Variants in PCARE observed in about 807,000 individuals in gnomAD.
PCARE encodes uncharacterized protein C2orf71.
PCARE carries 72 observed loss-of-function variants against 82.2 expected under a neutral mutation model. The observed-to-expected ratio is 0.88, with a 90% CI of 0.72 to 1.07. PCARE has a LOEUF of 1.07. Ranked by LOEUF, PCARE falls within the 50% of genes least tolerant of loss-of-function variation. The pLI, the probability that PCARE is intolerant of heterozygous loss-of-function variation, is 0.00. For synonymous variants in PCARE, 705 were observed against 634.8 expected (o/e 1.11, Z -1.66); for missense variants, 1,768 against 1,592.4 (o/e 1.11, Z -1.88).
Position 29,071,003 on chromosome 2 carries a change from G to T in PCARE, c.3259C>A (p.Pro1087Thr). The T allele has an allele frequency of 7.2e-7, 1 of 1,386,252 alleles. No individual in the cohort carries two copies. Among genetic ancestry groups the T allele is most frequent in the Non-Finnish European group, 9.6e-7 (1 of 1,037,038 alleles). The allele number at this position is 1,386,252 out of a possible 1,614,324, so 85.9% of individuals were successfully genotyped here. A position where few individuals can be genotyped will look rare whatever the true frequency, so the allele number is the denominator to read the frequency against. Residue 1087 changes from proline to threonine, a missense_variant, in exon 1 of 2, where the codon CCC (proline) becomes ACC (threonine). Pro to Thr is a conservative substitution (Grantham distance 38). Coordinates refer to ENST00000331664, the MANE Select transcript of PCARE (RefSeq NM_001029883.3). ...GGGGACATTGGGGGTGATGGGGAGG[G>T]AATCGAGAAAGGGGGGCTTGCTTCT... ...HPEASPPFSIPSPSPPMSPSQ... is the reference protein window; with the variant it reads ...HPEASPPFSITSPSPPMSPSQ...
rs748816205 is a variant in PCARE at position 29,070,765 on chromosome 2, C to CTGT, written c.3494_3496dup (p.Asn1165dup). ...GTCTGCTCTCAGCCAAGGCCCTGAG[C>CTGT]TGTTCTTCCAGCATTCTGCTGGGTT... On this transcript the variant is annotated inframe_insertion, in exon 1 of 2. Coordinates refer to ENST00000331664, the MANE Select transcript of PCARE (RefSeq NM_001029883.3). The CTGT allele has an allele frequency of 4.3e-6, 7 of 1,614,150 alleles. No individual in the cohort carries two copies. In the South Asian group the frequency reaches 4.4e-5, roughly 10 times the overall value.
At chr2:29,065,320 T>C (rs1046199631) in intron 1 of PCARE, among the ~76,000 whole-genome samples, 7 of 152,230 alleles carry the variant, frequency 4.6e-5, no homozygotes, top group African/African-American at 1.7e-4. Context: ...CCTGAAGCCC[T>C]GGATCCTGCT....
chr2:29,064,546 A>G lies in PCARE; in HGVS notation c.*323T>C. The G allele has an allele frequency of 2.0e-6, 1 of 499,866 alleles. No individual in the cohort carries two copies. The allele number at this position is 499,866 out of a possible 1,614,324, so 31.0% of individuals were successfully genotyped here. ...ATCTCAAGGAATGAACCCAGTTAAA[A>G]CCCTATCAAGCATGCAACTATACAT... On this transcript the variant is annotated 3_prime_UTR_variant, in exon 2 of 2. Coordinates refer to ENST00000331664, the MANE Select transcript of PCARE (RefSeq NM_001029883.3).
chr2:29,073,502 G>T lies in PCARE; in HGVS notation c.760C>A (p.Pro254Thr), dbSNP rs192023448. The change falls in exon 1 of 2, where the codon CCT (proline) becomes ACT (threonine). Residue 254 changes from proline to threonine, a missense_variant. Coordinates refer to ENST00000331664, the MANE Select transcript of PCARE (RefSeq NM_001029883.3). ...TCCTGGGGCTCTCTTTTCTTCAAAG[G>T]CCAAGCCAGATCCTCCCTGACTTCC... is the stretch of plus-strand genomic sequence containing the variant. ...LQEVREDLAWPLKKREPQEQP... is the reference protein window; with the variant it reads ...LQEVREDLAWTLKKREPQEQP... 34 of 1,614,124 alleles carry T rather than the reference G, an allele frequency of 2.1e-5. No individual in the cohort carries two copies. The African/African-American group carries it at 2.8e-4, about 13-fold the overall frequency.
intron 1 of PCARE, among the ~76,000 whole-genome samples, chr2:29,068,204 GA>G (rs1667419017): frequency 6.6e-6 from 1 of 152,174 alleles, no homozygotes; most frequent in Non-Finnish European, 1.5e-5. Flanking sequence ...TTAGATTTAA[GA>G]AAAGAGCAAT....
chr2:29,071,236 C>G lies in PCARE; in HGVS notation c.3026G>C (p.Arg1009Pro). 1 of 1,611,390 alleles carries G rather than the reference C, an allele frequency of 6.2e-7. No individual in the cohort carries two copies. The highest frequency in any genetic ancestry group is 8.5e-7 in the Non-Finnish European group (1 of 1,178,824). Residue 1009 changes from arginine (R) to proline (P), a missense_variant, in exon 1 of 2, where the codon CGC becomes CCC. Coordinates refer to ENST00000331664, the MANE Select transcript of PCARE (RefSeq NM_001029883.3). The stretch of plus-strand genomic sequence containing the variant: ...TCTGTAAGAGGAGGGAAGGCTCCGG[C>G]GCCTCTTGTCTGCTTGAGGCACCCA... The part of the protein sequence containing the change: ...THWVPQADKR[R>P]RSLPSSYRPA...
At chr2:29,070,266 C>T (rs1167514249) in intron 1 of PCARE, among the ~76,000 whole-genome samples, 2 of 152,186 alleles carry the variant, frequency 1.3e-5, no homozygotes, top group Admixed American at 6.5e-5. Context: ...TCTCCCTCCC[C>T]TTGTTCCCTA....
chr2:29,074,219 C>A lies in PCARE; in HGVS notation c.43G>T (p.Ala15Ser). The change falls in exon 1 of 2, where the codon GCA becomes TCA. Residue 15 changes from alanine (A) to serine (S), a missense_variant. Physicochemically the swap from Ala to Ser is moderately conservative, Grantham distance 99. Transcript: ENST00000331664. Reference sequence around the variant, plus strand: ...TTCAAGAACTGAATGCCACTCTTTGCAACGCTGTTTACAAGGTCACTGTGT... The same window carrying A: ...TTCAAGAACTGAATGCCACTCTTTGAAACGCTGTTTACAAGGTCACTGTGT... ...PSHSDLVNSV[A>S]KSGIQFLKKP... 6.3e-7 allele frequency: 1 copy of A among 1,584,716 alleles called. No individual in the cohort carries two copies. Among genetic ancestry groups the A allele is most frequent in the Non-Finnish European group, 8.6e-7 (1 of 1,165,378 alleles).
rs1667320553 is a variant in PCARE, at chr2:29,062,226, C to T, written c.*2643G>A. The T allele has an allele frequency of 6.6e-6, 1 of 152,306 alleles. No individual in the cohort carries two copies. The highest frequency in any genetic ancestry group is 1.5e-5 in the Non-Finnish European group (1 of 68,112). 9.4% of individuals were successfully genotyped at this position (152,306 alleles called of 1,614,324 possible). ...GTTACTGGGCAACACAATGGTGTCA[C>T]CAGCTCACTGTCCCGGCTGCCTGGG... On this transcript the variant is annotated 3_prime_UTR_variant, in exon 2 of 2. Coordinates refer to ENST00000331664, the MANE Select transcript of PCARE (RefSeq NM_001029883.3).
Position 29,071,619 on chromosome 2 carries a change from C to T in PCARE, c.2643G>A (p.Lys881=), listed in dbSNP as rs376864584. 7 of 1,613,376 alleles carry T rather than the reference C, an allele frequency of 4.3e-6. No individual in the cohort carries two copies. In the African/African-American group the frequency reaches 8.0e-5, roughly 18 times the overall value. ...CCAGGGGGCTCACAGAGGCCCTCAG[C>T]TTTGGGGAAGCCCATGTTCTCCTGG... ...GPTRRTWASP[K]LRASVSPLDL... Residue 881 remains lysine, a synonymous_variant, in exon 1 of 2, where the codon AAG becomes AAA. Coordinates refer to ENST00000331664, the MANE Select transcript of PCARE (RefSeq NM_001029883.3).
Position 29,072,666 on chromosome 2 carries a change from A to G in PCARE, c.1596T>C (p.Leu532=). ...ESPFQARTRR[L]RSLQAQEMIL... is the part of the protein sequence containing the mutation. ...TCATTTCCTGGGCCTGGAGGCTCCT[A>G]AGCCTCCTGGTGCGGGCCTGAAATG... Residue 532 remains leucine (L), a synonymous_variant, in exon 1 of 2, where the codon CTT becomes CTC. Coordinates refer to ENST00000331664, the MANE Select transcript of PCARE (RefSeq NM_001029883.3). 2 of 1,614,010 alleles carry G rather than the reference A, an allele frequency of 1.2e-6. No individual in the cohort carries two copies. The highest frequency in any genetic ancestry group is 1.1e-5 in the South Asian group (1 of 91,076).
chr2:29,072,188 G>A lies in PCARE; in HGVS notation c.2074C>T (p.Pro692Ser), dbSNP rs748775127. 8 of 1,614,112 alleles carry A rather than the reference G, an allele frequency of 5.0e-6. No homozygotes were observed. Among genetic ancestry groups the A allele is most frequent in the South Asian group, 1.1e-5 (1 of 91,090 alleles). Residue 692 changes from proline to serine, a missense_variant, in exon 1 of 2, where the codon CCT becomes TCT. Physicochemically the swap from Pro to Ser is moderately conservative, Grantham distance 74. Coordinates refer to ENST00000331664, the MANE Select transcript of PCARE (RefSeq NM_001029883.3). ...KSILQKCNPH[P>S]EDEQGKAGKL... ...CCAGCTTTGCCTTGTTCGTCCTCAG[G>A]ATGGGGATTGCATTTCTGCAAGATG...
In PCARE at chr2:29,073,102, T is replaced by G. The variant is rs765379745; in HGVS notation, c.1160A>C (p.His387Pro). Reference sequence around the variant, plus strand: ...GTGTCCTGACTGCCTGGCCTCTGTGTGGGGTGAAGTCACCGACTTCCATTC... The same window carrying G: ...GTGTCCTGACTGCCTGGCCTCTGTGGGGGGTGAAGTCACCGACTTCCATTC... Reference protein sequence around the residue: ...PEEWKSVTSPHTEARQSGHTW... With the variant: ...PEEWKSVTSPPTEARQSGHTW... Residue 387 changes from histidine to proline, a missense_variant, in exon 1 of 2, where the codon CAC becomes CCC. By Grantham distance (77) the His-to-Pro change is moderately conservative. Coordinates refer to ENST00000331664, the MANE Select transcript of PCARE (RefSeq NM_001029883.3). The G allele has an allele frequency of 6.2e-7, 1 of 1,614,138 alleles. No homozygotes were observed. Among genetic ancestry groups the G allele is most frequent in the South Asian group, 1.1e-5 (1 of 91,080 alleles).
Position 29,068,534 on chromosome 2 carries a change from A to AT in PCARE, c.3668+2059dup, listed in dbSNP as rs111995522. 1.6e-3 allele frequency among the ~76,000 whole-genome samples: 239 copies of AT among 149,676 alleles called. 2 individuals carry two copies. The East Asian group carries it at 0.034, about 21-fold the overall frequency. On this transcript the variant is annotated intron_variant, in intron 1 of 1. Coordinates refer to ENST00000331664, the MANE Select transcript of PCARE (RefSeq NM_001029883.3). ...AGTTCTTCTCTAATAGACCTCAGAC[A>AT]TTTTTTTTTTGTTTCTATGCCAGGT...
At position 29,071,852 on chromosome 2, in the gene PCARE, T is replaced by C; in HGVS notation, c.2410A>G (p.Ile804Val). ...MGIGWKPLAP[I>V]FPPLPKAEAA... ...TCTGCTTTAGGCAGAGGGGGAAAGA[T>C]AGGTGCTAAGGGCTTCCAGCCTATG... The change falls in exon 1 of 2, where the codon ATC (isoleucine) becomes GTC (valine). Residue 804 changes from isoleucine (I) to valine (V), a missense_variant. Physicochemically the swap from Ile to Val is conservative, Grantham distance 29. Coordinates refer to ENST00000331664, the MANE Select transcript of PCARE (RefSeq NM_001029883.3). 1.2e-6 allele frequency: 2 copies of C among 1,614,238 alleles called. No homozygotes were observed. Among genetic ancestry groups the C allele is most frequent in the Non-Finnish European group, 1.7e-6 (2 of 1,180,040 alleles).
chr2:29,074,008 T>G lies in PCARE; in HGVS notation c.254A>C (p.Lys85Thr). ...GATCAGTCCTTCCATATCTTTCCTT[T>G]TGCCTGAAGCAGGATCTCCCATGAG... ...CQLMGDPASG[K>T]RKDMEGLIPG... Residue 85 changes from lysine (K) to threonine (T), a missense_variant, in exon 1 of 2, where the codon AAA becomes ACA. Physicochemically the swap from Lys to Thr is moderately conservative, Grantham distance 78 (BLOSUM62 -1). Coordinates refer to ENST00000331664, the MANE Select transcript of PCARE (RefSeq NM_001029883.3). The G allele has an allele frequency of 6.2e-7, 1 of 1,614,194 alleles. No homozygotes were observed. The highest frequency in any genetic ancestry group is 8.5e-7 in the Non-Finnish European group (1 of 1,180,028).
rs1031594901 is a variant in PCARE, at chr2:29,064,700, C to T, written c.*169G>A. On this transcript the variant is annotated 3_prime_UTR_variant, in exon 2 of 2. Transcript: ENST00000331664. ...GAGCAAGATCTGGGACTGAAAACGG[C>T]GATTGTTTAAAATTCAGCAGACCCA... 2 of 822,964 alleles carry T rather than the reference C, an allele frequency of 2.4e-6. No homozygotes were observed. Among genetic ancestry groups the T allele is most frequent in the East Asian group, 2.7e-5 (1 of 37,248 alleles). 51.0% of individuals were successfully genotyped at this position (822,964 alleles called of 1,614,324 possible).
At position 29,070,824 on chromosome 2, in the gene PCARE, T is replaced by TGG. The variant is rs759162791; in HGVS notation, c.3436_3437dup (p.Ser1147HisfsTer26). 6.2e-7 allele frequency: 1 copy of TGG among 1,613,838 alleles called. No homozygotes were observed. The highest frequency in any genetic ancestry group is 2.2e-5 in the East Asian group (1 of 44,850). On this transcript the variant is annotated frameshift_variant, in exon 1 of 2. Coordinates refer to ENST00000331664, the MANE Select transcript of PCARE (RefSeq NM_001029883.3). LOFTEE classifies it high-confidence loss of function. ...GGCCCCCAGCCTCTGGCGGCAGCGA[T>TGG]GGTGGGGTCAGTGGGTGGGCTGTTG...
chr2:29,069,684 T>C (rs972105282), intron 1 of PCARE, among the ~76,000 whole-genome samples: 1 of 152,018 alleles, frequency 6.6e-6, no homozygotes, highest in Non-Finnish European at 1.5e-5. Flanking sequence ...GAACCTAAAA[T>C]AAAAGCTTTA....
Sources: gnomAD v4.1 joint callset for allele counts (sites outside exome capture counted in the v4.1 genomes callset) on GRCh38, gnomAD v4.1.1 for gene constraint, MANE v1.5 for transcripts, NCBI Gene and HGNC (gene_info 2026-07-23, HGNC 2026-07-21) for gene names.